The following TK2 variants were observed in gnomAD, a reference collection of about 807,000 sequenced individuals.
The protein encoded by TK2 is thymidine kinase 2, mitochondrial.
TK2 carries 35 observed loss-of-function variants against 41.9 expected under a neutral mutation model. The ratio of observed to expected loss-of-function variants is 0.84; its 90% CI spans 0.64 to 1.11. The LOEUF (loss-of-function observed/expected upper bound fraction) is 1.11, where lower values mean the gene tolerates loss of function less well. TK2 is among the 50% of genes least tolerant of loss of function. The probability of loss-of-function intolerance (pLI) is 0.00; values close to 1 mark genes in which losing one functional copy is unlikely to be tolerated. For synonymous variants in TK2, 128 were observed against 129.1 expected, an observed-to-expected ratio of 0.99 and a Z score of 0.06; for missense variants, 320 against 351.1, an observed-to-expected ratio of 0.91 and a Z score of 0.71.
chr16:66,521,957 G>A (rs1013032978), intron 6 of TK2, among the ~76,000 whole-genome samples: 6 of 152,184 alleles, frequency 3.9e-5, no homozygotes, highest in Admixed American at 6.5e-5. Flanking sequence ...CAGTCTGTGC[G>A]GAATGGAATG....
intron 1 of TK2, 187 bp from the exon 2 acceptor site, chr16:66,549,196 T>G (rs542445903): frequency 6.9e-7 from 1 of 1,454,228 alleles, no homozygotes; most frequent in Non-Finnish European, 9.0e-7. Context: ...CACCCTGGGC[T>G]GCAGCTGCAG....
chr16:66,527,660 AG>A (rs1964975528), intron 6 of TK2, among the ~76,000 whole-genome samples: 1 of 152,212 alleles, frequency 6.6e-6, no homozygotes, highest in Non-Finnish European at 1.5e-5. Flanking sequence ...CCATTTTTGT[AG>A]GTCATAATTG....
chr16:66,541,791 T>C lies in TK2; in HGVS notation c.231+88A>G, dbSNP rs980451787. ...CTTGCACTTGTGGCTCAAATTATAG[T>C]CCTATTGGACAAGGTTAGTCCACAC... On this transcript the variant is annotated intron_variant, in intron 3 of 9. Coordinates refer to ENST00000544898, the MANE Select transcript of TK2 (RefSeq NM_004614.5). 31 of 1,365,688 alleles carry C rather than the reference T, an allele frequency of 2.3e-5. No homozygotes were observed. In the African/African-American group the frequency reaches 2.3e-4, roughly 10 times the overall value. 84.6% of individuals were successfully genotyped at this position (1,365,688 alleles called of 1,614,324 possible).
chr16:66,531,394 G>T lies in TK2; in HGVS notation c.361C>A (p.His121Asn), dbSNP rs137854429. Reference protein sequence around the residue: ...TYVQLTMLDRHTRPQVSSVRL... With the variant: ...TYVQLTMLDRNTRPQVSSVRL... The stretch of plus-strand genomic sequence containing the variant: ...CTGAAACCTACCTGAGGACGAGTAT[G>T]CCTGTCCAGCATGGTGAGCTGCACA... Residue 121 changes from histidine to asparagine, a missense_variant, in exon 5 of 10, where the codon CAT (histidine) becomes AAT (asparagine). Physicochemically the swap from His to Asn is moderately conservative, Grantham distance 68. Transcript: ENST00000544898. 4.5e-5 allele frequency: 73 copies of T among 1,614,186 alleles called. No homozygotes were observed. The Admixed American group carries it at 6.7e-4, about 15-fold the overall frequency.
In TK2 at chr16:66,514,460, G is replaced by A. The variant is rs865776014; in HGVS notation, c.619-649C>T. 4.6e-5 allele frequency among the ~76,000 whole-genome samples: 7 copies of A among 152,112 alleles called. No homozygotes were observed. The South Asian group carries it at 6.2e-4, about 14-fold the overall frequency. On this transcript the variant is annotated intron_variant, in intron 8 of 9. Coordinates refer to ENST00000544898, the MANE Select transcript of TK2 (RefSeq NM_004614.5). The surrounding 1 kb of genome is among the most constrained non-coding windows in gnomAD (Gnocchi z 4.2). ...GGCTGGAGTGCAGTGGCGTGATCTC[G>A]GCTCGCTACAACCTCCACCTCCCAG... is the stretch of plus-strand genomic sequence containing the variant.
chr16:66,521,027 T>C (rs1258151600), intron 6 of TK2, among the ~76,000 whole-genome samples: 1 of 152,162 alleles, frequency 6.6e-6, no homozygotes, highest in Admixed American at 6.5e-5. Context: ...GAGCTGCCCA[T>C]GGGACAGTCT....
chr16:66,512,985 C>T (rs1378730766), intron 9 of TK2, among the ~76,000 whole-genome samples: 2 of 152,160 alleles, frequency 1.3e-5, no homozygotes, highest in African/African-American at 4.8e-5. Context: ...AACCCTGCCT[C>T]ACAGCCAATC....
chr16:66,514,430 G>A lies in TK2; in HGVS notation c.619-619C>T, dbSNP rs1964546263. 6.6e-6 allele frequency among the ~76,000 whole-genome samples: 1 copy of A among 152,220 alleles called. No homozygotes were observed. The highest frequency in any genetic ancestry group is 1.5e-5 in the Non-Finnish European group (1 of 68,044). On this transcript the variant is annotated intron_variant, in intron 8 of 9. Coordinates refer to ENST00000544898, the MANE Select transcript of TK2 (RefSeq NM_004614.5). This position sits in a 1 kb window ranked among gnomAD's most constrained non-coding sequence, Gnocchi z 4.2. ...TCTGGTTCACTCAGTGCTCAATGTT[G>A]CCCAGGCTGGAGTGCAGTGGCGTGA...
At chr16:66,548,401 A>G (rs1372304941) in intron 2 of TK2, among the ~76,000 whole-genome samples, 1 of 152,092 alleles carries the variant, frequency 6.6e-6, no homozygotes, top group Non-Finnish European at 1.5e-5. Flanking sequence ...TGACCAAAAT[A>G]TCACTCCCTA....
chr16:66,545,489 G>A (rs915858616), intron 2 of TK2, among the ~76,000 whole-genome samples: 7 of 152,190 alleles, frequency 4.6e-5, no homozygotes, highest in Non-Finnish European at 8.8e-5. Context: ...AGGAAAAAAT[G>A]ACATACTAAT....
intron 3 of TK2, 100 bp from the exon 4 acceptor site, chr16:66,537,117 G>A: frequency 6.5e-7 from 1 of 1,541,922 alleles, no homozygotes; most frequent in South Asian, 1.1e-5. Context: ...GGGAAAAAGA[G>A]AGAAAAAGAC....
intron 3 of TK2, among the ~76,000 whole-genome samples, chr16:66,540,552 G>A (rs1359922632): frequency 6.6e-6 from 1 of 152,208 alleles, no homozygotes; most frequent in African/African-American, 2.4e-5. Context: ...TATAGAAATT[G>A]TAGCTTCTGT....
intron 5 of TK2, among the ~76,000 whole-genome samples, chr16:66,530,312 A>T (rs1965070155): frequency 6.6e-6 from 1 of 152,234 alleles, no homozygotes; most frequent in Admixed American, 6.5e-5. Context: ...CTTCATGCAG[A>T]GCCTTAAAGC....
chr16:66,540,912 T>C (rs988383160), intron 3 of TK2, among the ~76,000 whole-genome samples: 3 of 152,162 alleles, frequency 2.0e-5, no homozygotes, highest in African/African-American at 7.2e-5. Flanking sequence ...GAAATATGAG[T>C]AGTCCAAATT....
At chr16:66,544,194 G>C (rs972917031) in intron 2 of TK2, among the ~76,000 whole-genome samples, 50 of 152,118 alleles carry the variant, frequency 3.3e-4, no homozygotes, top group African/African-American at 1.2e-3. Context: ...TCTGCCCTCC[G>C]GTTTACAGCA....
At position 66,549,482 on chromosome 16, in the gene TK2, C is replaced by T. The variant is rs538067899; in HGVS notation, c.124+456G>A. 31 of 1,041,780 alleles carry T rather than the reference C, an allele frequency of 3.0e-5. No homozygotes were observed. The South Asian group carries it at 1.0e-3, about 35-fold the overall frequency. The allele number at this position is 1,041,780 out of a possible 1,614,324, so 64.5% of individuals were successfully genotyped here. The stretch of plus-strand genomic sequence containing the variant: ...ACAGCCATATGGCGGACACCAGAAC[C>T]CGGGTGTAACAGTGACCCGTTTCTG... On this transcript the variant is annotated intron_variant, in intron 1 of 9. Transcript: ENST00000544898.
chr16:66,546,192 T>C (rs1965602119), intron 2 of TK2, among the ~76,000 whole-genome samples: 1 of 152,260 alleles, frequency 6.6e-6, no homozygotes, highest in South Asian at 2.1e-4. Flanking sequence ...ATTGTGCCAC[T>C]GTCCTCCAGC....
chr16:66,538,087 C>T (rs1055424113), intron 3 of TK2, among the ~76,000 whole-genome samples: 1 of 152,110 alleles, frequency 6.6e-6, no homozygotes, highest in Non-Finnish European at 1.5e-5. Context: ...CACTTGAACC[C>T]AGGAGGCAAA....
intron 1 of TK2, chr16:66,549,710 T>G (rs1295941200): frequency 7.9e-7 from 1 of 1,264,022 alleles, no homozygotes. Flanking sequence ...TCCTGCTCTT[T>G]AAAGGCCCTC....
Sources: allele counts gnomAD v4.1 joint callset (sites outside exome capture counted in the v4.1 genomes callset), GRCh38; gene constraint gnomAD v4.1.1; non-coding constraint Gnocchi (gnomAD v3.1); transcripts MANE v1.5; gene names NCBI Gene and HGNC (gene_info 2026-07-23, HGNC 2026-07-21).